Variants in CHL1 observed in about 807,000 individuals in gnomAD.
CHL1 encodes the protein cell adhesion molecule L1 like.
Under a neutral mutation model 141.9 loss-of-function variants are expected in CHL1, and 96 were observed. That is an observed-to-expected ratio of 0.68 (90% confidence interval 0.57 to 0.80). CHL1 has a LOEUF of 0.80. Ranked by LOEUF, CHL1 falls within the 30% of genes least tolerant of loss-of-function variation. The probability of loss-of-function intolerance (pLI) is 0.00; values close to 1 mark genes in which losing one functional copy is unlikely to be tolerated. For synonymous variants in CHL1, 613 were observed against 502.2 expected (o/e 1.22, Z -2.95); for missense variants, 1,820 against 1,457.2 (o/e 1.25, Z -4.05).
rs1708039891 is a variant in CHL1, at chr3:389,359, A to G, written c.2355A>G (p.Thr785=). Residue 785 remains threonine, a synonymous_variant, in exon 20 of 28, where the codon ACA becomes ACG. Transcript: ENST00000256509. The stretch of plus-strand genomic sequence containing the variant: ...AAGAAGAAACAGTCACAAACCACAC[A>G]TTGCGGGTGATGACGCCTGCTGTCT... The part of the protein sequence containing the change: ...EWEEETVTNH[T]LRVMTPAVYA... The G allele has an allele frequency of 6.2e-7, 1 of 1,614,156 alleles. No homozygotes were observed. The highest frequency in any genetic ancestry group is 8.5e-7 in the Non-Finnish European group (1 of 1,180,014).
intron 2 of CHL1, among the ~76,000 whole-genome samples, chr3:273,765 T>C (rs1438964588): frequency 6.6e-6 from 1 of 152,196 alleles, no homozygotes; most frequent in African/African-American, 2.4e-5. Context: ...CCTTTTAAAT[T>C]AGAGGTGGTA....
At chr3:366,341 C>T (rs996208275) in intron 15 of CHL1, among the ~76,000 whole-genome samples, 13 of 151,824 alleles carry the variant, frequency 8.6e-5, no homozygotes, top group African/African-American at 2.4e-4. Flanking sequence ...CATGATGGCA[C>T]GTGCCTGTGA....
chr3:307,902 A>G (rs541934825), intron 2 of CHL1, among the ~76,000 whole-genome samples: 22 of 152,362 alleles, frequency 1.4e-4, no homozygotes, highest in Non-Finnish European at 3.2e-4. Flanking sequence ...ATGCTAAAGT[A>G]TTTTAAAGTA....
chr3:207,637 ATT>A (rs1559270318), intron 1 of CHL1, among the ~76,000 whole-genome samples: 1 of 152,194 alleles, frequency 6.6e-6, no homozygotes, highest in East Asian at 1.9e-4. Context: ...ATATTGCGTT[ATT>A]TGTTATTGTT....
intron 10 of CHL1, among the ~76,000 whole-genome samples, chr3:352,264 GATTT>G (rs1394983895): frequency 1.3e-5 from 2 of 151,970 alleles, no homozygotes; most frequent in Admixed American, 6.6e-5. Context: ...AACAAGTTTT[GATTT>G]ATTAAAATAT....
chr3:207,596 C>CTATA (rs1286061734), intron 1 of CHL1, among the ~76,000 whole-genome samples: 62 of 152,284 alleles, frequency 4.1e-4, no homozygotes, highest in Middle Eastern at 3.4e-3. Flanking sequence ...ATTTTAACAT[C>CTATA]TATCACCTAT....
At position 219,812 on chromosome 3, in the gene CHL1, G is replaced by C. The variant is rs531085127; in HGVS notation, c.-175+22749G>C. On this transcript the variant is annotated intron_variant, in intron 1 of 27. Coordinates refer to ENST00000256509, the MANE Select transcript of CHL1 (RefSeq NM_006614.4). ...CACAGGTTTACCTGTGTAACAAACT[G>C]GCACATGTACCCCTGAACTTAAAAT... Among the ~76,000 whole-genome samples, 10 of 152,146 alleles carry C rather than the reference G, an allele frequency of 6.6e-5. No homozygotes were observed. In the South Asian group the frequency reaches 1.5e-3, roughly 22 times the overall value.
chr3:259,502 AT>A (rs1490641786), intron 2 of CHL1, among the ~76,000 whole-genome samples: 1 of 152,050 alleles, frequency 6.6e-6, no homozygotes, highest in Non-Finnish European at 1.5e-5. Flanking sequence ...TTAAAAAAGT[AT>A]TTTTTCAAAG....
chr3:215,415 G>T (rs1700234775), intron 1 of CHL1, among the ~76,000 whole-genome samples: 1 of 152,214 alleles, frequency 6.6e-6, no homozygotes, highest in Non-Finnish European at 1.5e-5. Flanking sequence ...TCAAGGAGGG[G>T]AGGATAGGAA....
At chr3:398,105 A>G in intron 24 of CHL1, 122 bp from the exon 25 acceptor site, 1 of 543,924 alleles carries the variant, frequency 1.8e-6, no homozygotes. Context: ...CTGGTAATTC[A>G]AAAACTATCT....
intron 11 of CHL1, 91 bp downstream of exon 11, chr3:354,862 T>C: frequency 6.6e-7 from 1 of 1,508,620 alleles, no homozygotes; most frequent in South Asian, 1.3e-5. Context: ...GAAGTTGGTA[T>C]GTGGTTGGAT....
intron 1 of CHL1, among the ~76,000 whole-genome samples, chr3:227,745 G>C (rs991181694): frequency 6.6e-6 from 1 of 152,102 alleles, no homozygotes; most frequent in Non-Finnish European, 1.5e-5. Flanking sequence ...CCTTCTTGAT[G>C]CCTCTTCCTA....
intron 11 of CHL1, 109 bp downstream of exon 11, chr3:354,880 A>T: frequency 7.5e-7 from 1 of 1,332,924 alleles, no homozygotes; most frequent in South Asian, 1.4e-5. Flanking sequence ...GATTAGCAGG[A>T]CAGATACAAC....
At chr3:381,431 C>G (rs1315520586) in intron 16 of CHL1, among the ~76,000 whole-genome samples, 2 of 152,182 alleles carry the variant, frequency 1.3e-5, no homozygotes, top group Non-Finnish European at 2.9e-5. Flanking sequence ...AACTGGTCAG[C>G]TCATGCTTAA....
At chr3:349,178 A>G (rs912772432) in intron 9 of CHL1, among the ~76,000 whole-genome samples, 181 bp from the exon 10 acceptor site, 1 of 152,184 alleles carries the variant, frequency 6.6e-6, no homozygotes, top group African/African-American at 2.4e-5. Context: ...GACTTGCTTC[A>G]ACACCAGTGT....
rs777102680 is a variant in CHL1 at position 366,119 on chromosome 3, G to A, written c.1751+4G>A. 14 of 1,611,960 alleles carry A rather than the reference G, an allele frequency of 8.7e-6. 1 individual carries two copies. The East Asian group carries it at 3.1e-4, about 36-fold the overall frequency. ...TTAATGGCACAGAAGATGGCAGGTAGGTAAACTATTATGATATGTCATAAT... is the reference window on the plus strand; with the variant it reads ...TTAATGGCACAGAAGATGGCAGGTAAGTAAACTATTATGATATGTCATAAT... On this transcript the variant is annotated splice_donor_region_variant and intron_variant, in intron 15 of 27. Transcript: ENST00000256509.
intron 2 of CHL1, among the ~76,000 whole-genome samples, chr3:254,274 C>T (rs979763833): frequency 1.3e-5 from 2 of 152,168 alleles, no homozygotes; most frequent in Non-Finnish European, 2.9e-5. Flanking sequence ...CACCCCTTTC[C>T]CATAAATTGA....
chr3:206,956 A>G (rs1699494756), intron 1 of CHL1, among the ~76,000 whole-genome samples: 1 of 152,178 alleles, frequency 6.6e-6, no homozygotes, highest in Non-Finnish European at 1.5e-5. Flanking sequence ...TAAAATAGAA[A>G]TCGTTGGCAA....
rs202042716 is a variant in CHL1, at chr3:360,295, G to C, written c.1177G>C (p.Ala393Pro). The change falls in exon 12 of 28, where the codon GCT becomes CCT. Residue 393 changes from alanine (A) to proline (P), a missense_variant. Physicochemically the swap from Ala to Pro is conservative, Grantham distance 27. Coordinates refer to ENST00000256509, the MANE Select transcript of CHL1 (RefSeq NM_006614.4). ...TTAATCTCTTTCAGATCATCCATTT[G>C]CTGGTGATGTTGTCTTCCCCAGGGA... is the stretch of plus-strand genomic sequence containing the variant. ...NGSPVDNHPF[A>P]GDVVFPREIS... is the part of the protein sequence containing the mutation. 1.2e-6 allele frequency: 2 copies of C among 1,613,580 alleles called. No homozygotes were observed. The highest frequency in any genetic ancestry group is 1.7e-5 in the Admixed American group (1 of 59,964).
Sources: allele counts gnomAD v4.1 joint callset (sites outside exome capture counted in the v4.1 genomes callset), GRCh38; gene constraint gnomAD v4.1.1; transcripts MANE v1.5; gene names NCBI Gene and HGNC (gene_info 2026-07-23, HGNC 2026-07-21).